The following PLCXD3 variants were observed in gnomAD, a reference collection of about 807,000 sequenced individuals.
PLCXD3 encodes the protein PI-PLC X domain-containing protein 3.
In PLCXD3, 19 loss-of-function variants were observed where a neutral mutation model predicts 25.5. The ratio of observed to expected loss-of-function variants is 0.75; its 90% CI spans 0.52 to 1.09. PLCXD3 has a LOEUF of 1.09. PLCXD3 is among the 50% of genes least tolerant of loss of function. PLCXD3 has a pLI of 0.00. For synonymous variants in PLCXD3, 174 were observed against 137.6 expected, an observed-to-expected ratio of 1.26 and a Z score of -1.85; for missense variants, 411 against 388.1, an observed-to-expected ratio of 1.06 and a Z score of -0.50.
At chr5:41,506,027 G>A (rs1749046296) in intron 1 of PLCXD3, among the ~76,000 whole-genome samples, 1 of 152,190 alleles carries the variant, frequency 6.6e-6, no homozygotes, top group Admixed American at 6.5e-5. Context: ...CTTTAAATGT[G>A]TATATAAATC....
At chr5:41,319,457 AT>A (rs1303426162) in intron 2 of PLCXD3, among the ~76,000 whole-genome samples, 1 of 152,196 alleles carries the variant, frequency 6.6e-6, no homozygotes, top group Non-Finnish European at 1.5e-5. Flanking sequence ...GATGAGAGGA[AT>A]TTTGGGAGTT....
intron 1 of PLCXD3, among the ~76,000 whole-genome samples, chr5:41,392,686 G>A (rs1215068387): frequency 6.6e-6 from 1 of 152,118 alleles, no homozygotes; most frequent in African/African-American, 2.4e-5. Context: ...CATCATCCAG[G>A]AAAACTTGAC....
At chr5:41,342,791 A>T (rs1744187968) in intron 2 of PLCXD3, among the ~76,000 whole-genome samples, 1 of 152,174 alleles carries the variant, frequency 6.6e-6, no homozygotes, top group Admixed American at 6.5e-5. Flanking sequence ...AAAGTTAAAA[A>T]CTATAAGAAT....
intron 2 of PLCXD3, among the ~76,000 whole-genome samples, chr5:41,333,148 CAAAA>C (rs1366117877): frequency 6.6e-6 from 1 of 150,564 alleles, no homozygotes; most frequent in Non-Finnish European, 1.5e-5. Flanking sequence ...AACAAACAAA[CAAAA>C]ACGTCAATGG....
chr5:41,366,799 C>T (rs971072048), intron 2 of PLCXD3, among the ~76,000 whole-genome samples: 2 of 152,148 alleles, frequency 1.3e-5, no homozygotes, highest in African/African-American at 4.8e-5. Context: ...TATCCTGATG[C>T]ACTCTCCCGT....
intron 1 of PLCXD3, among the ~76,000 whole-genome samples, chr5:41,398,301 C>A (rs960060657): frequency 6.6e-6 from 1 of 152,148 alleles, no homozygotes; most frequent in Non-Finnish European, 1.5e-5. Context: ...CTCATGAGAT[C>A]TGGTTGTTTG....
At chr5:41,493,667 G>C (rs1313409316) in intron 1 of PLCXD3, among the ~76,000 whole-genome samples, 1 of 152,190 alleles carries the variant, frequency 6.6e-6, no homozygotes, top group African/African-American at 2.4e-5. Context: ...CCTAGCTGCC[G>C]CCTTGCAGTT....
At chr5:41,406,812 C>G (rs962218952) in intron 1 of PLCXD3, among the ~76,000 whole-genome samples, 7 of 152,158 alleles carry the variant, frequency 4.6e-5, no homozygotes, top group African/African-American at 1.7e-4. Flanking sequence ...TGGATTTAAT[C>G]TTAGGTAAAA....
At chr5:41,418,123 G>C (rs761223193) in intron 1 of PLCXD3, among the ~76,000 whole-genome samples, 1 of 152,084 alleles carries the variant, frequency 6.6e-6, no homozygotes, top group Non-Finnish European at 1.5e-5. Flanking sequence ...GCAATATATA[G>C]GTATGTGGCA....
chr5:41,327,188 G>A (rs563309098), intron 2 of PLCXD3, among the ~76,000 whole-genome samples: 1 of 152,212 alleles, frequency 6.6e-6, no homozygotes, highest in South Asian at 2.1e-4. Context: ...AAAAGCATGT[G>A]GGCATGAAAG....
In PLCXD3 at chr5:41,462,076, C is replaced by A. The variant is rs565508526; in HGVS notation, c.103+48348G>T. 5.6e-4 allele frequency among the ~76,000 whole-genome samples: 85 copies of A among 151,994 alleles called. 1 individual carries two copies. The highest frequency in any genetic ancestry group is 2.4e-4 in the Non-Finnish European group (16 of 67,946). On this transcript the variant is annotated intron_variant, in intron 1 of 2. Transcript: ENST00000377801. ...GTTTTAGAAAGGCGTTTAATCTAGG[C>A]AGCAGATGTCATACCTCTGTAAGAA...
At chr5:41,397,089 C>T (rs556544658) in intron 1 of PLCXD3, among the ~76,000 whole-genome samples, 19 of 152,196 alleles carry the variant, frequency 1.2e-4, no homozygotes, top group Non-Finnish European at 2.6e-4. Flanking sequence ...GGGAAGAATT[C>T]AAGGCTGCAG....
intron 1 of PLCXD3, among the ~76,000 whole-genome samples, chr5:41,420,888 A>G (rs531229334): frequency 3.3e-5 from 5 of 152,338 alleles, no homozygotes; most frequent in South Asian, 2.1e-4. Context: ...TCATGTGACC[A>G]TATAACTCCA....
At chr5:41,492,999 A>G (rs1295187290) in intron 1 of PLCXD3, among the ~76,000 whole-genome samples, 1 of 152,068 alleles carries the variant, frequency 6.6e-6, no homozygotes, top group East Asian at 1.9e-4. Flanking sequence ...GGAGGAGGAG[A>G]GGCGCTCTGC....
At chr5:41,483,552 T>A (rs1283792358) in intron 1 of PLCXD3, among the ~76,000 whole-genome samples, 1 of 152,166 alleles carries the variant, frequency 6.6e-6, no homozygotes, top group Non-Finnish European at 1.5e-5. Flanking sequence ...TTTAAAGTAA[T>A]TTTTAAATAT....
intron 1 of PLCXD3, among the ~76,000 whole-genome samples, chr5:41,389,692 A>T (rs1216918393): frequency 6.6e-6 from 1 of 152,186 alleles, no homozygotes; most frequent in Non-Finnish European, 1.5e-5. Context: ...GATCTCCCAT[A>T]GAAAAGGAAA....
At chr5:41,339,949 C>T (rs148257008) in intron 2 of PLCXD3, among the ~76,000 whole-genome samples, 4,130 of 152,218 alleles carry the variant, frequency 0.027, 124 homozygotes, top group Admixed American at 0.091. Flanking sequence ...AAAGGAAAGA[C>T]ACTCGCCATA....
intron 1 of PLCXD3, chr5:41,456,453 A>T (rs1429235816): frequency 1.7e-6 from 1 of 597,072 alleles, no homozygotes; most frequent in East Asian, 1.4e-4. Context: ...AGATAAATTC[A>T]GGATAGAAAA....
Position 41,510,567 on chromosome 5 carries a change from C to G in PLCXD3, c.-41G>C, listed in dbSNP as rs1170580523. 1.3e-6 allele frequency: 2 copies of G among 1,538,284 alleles called. No individual in the cohort carries two copies. Among genetic ancestry groups the G allele is most frequent in the East Asian group, 2.3e-5 (1 of 43,510 alleles). On this transcript the variant is annotated 5_prime_UTR_variant, in exon 1 of 3. Transcript: ENST00000377801. The stretch of plus-strand genomic sequence containing the variant: ...GCAGCGCGCTGGTCCCAGCACTCCT[C>G]GGGCAGGCTGGCAGGCTGCTGCCGC...
Sources: gnomAD v4.1 joint callset for allele counts (sites outside exome capture counted in the v4.1 genomes callset) on GRCh38, gnomAD v4.1.1 for gene constraint, MANE v1.5 for transcripts, NCBI Gene and HGNC (gene_info 2026-07-23, HGNC 2026-07-21) for gene names.